TSPAN9: variants seen among roughly 807,000 people sequenced by gnomAD.
The protein encoded by TSPAN9 is tetraspanin 9.
A neutral mutation model predicts 31.0 loss-of-function variants in TSPAN9; 16 were observed. That is an observed-to-expected ratio of 0.52 (90% CI 0.35 to 0.78). The LOEUF is 0.78. TSPAN9 is among the 30% of genes least tolerant of loss of function. The pLI, the probability that TSPAN9 is intolerant of heterozygous loss-of-function variation, is 0.01. For synonymous variants in TSPAN9, 145 were observed against 121.6 expected, an observed-to-expected ratio of 1.19 and a Z score of -1.27; for missense variants, 272 against 312.5, an observed-to-expected ratio of 0.87 and a Z score of 0.98.
intron 2 of TSPAN9, among the ~76,000 whole-genome samples, chr12:3,100,335 C>A (rs555669338): frequency 6.6e-6 from 1 of 152,168 alleles, no homozygotes; most frequent in African/African-American, 2.4e-5. Context: ...GCTCTCCTCT[C>A]CTCTCTGGTA....
At chr12:3,161,928 G>A (rs561540485) in intron 2 of TSPAN9, among the ~76,000 whole-genome samples, 26 of 152,184 alleles carry the variant, frequency 1.7e-4, no homozygotes, top group African/African-American at 5.5e-4. Context: ...CCATCTTCCC[G>A]CTTCAGCCTT....
At chr12:3,216,542 G>A (rs1247187263) in intron 3 of TSPAN9, among the ~76,000 whole-genome samples, 3 of 152,220 alleles carry the variant, frequency 2.0e-5, no homozygotes, top group Non-Finnish European at 4.4e-5. Context: ...AACACATCTC[G>A]TCAGTGGGGA....
At chr12:3,278,337 A>G (rs963878765) in intron 3 of TSPAN9, 84 bp from the exon 4 acceptor site, 6 of 1,537,152 alleles carry the variant, frequency 3.9e-6, no homozygotes, top group Non-Finnish European at 5.3e-6. Context: ...GTCTCAGAGC[A>G]TGGGGTGGGG....
intron 2 of TSPAN9, among the ~76,000 whole-genome samples, chr12:3,089,198 C>T (rs895391962): frequency 2.0e-5 from 3 of 147,908 alleles, no homozygotes; most frequent in Non-Finnish European, 3.0e-5. Context: ...CGCCACTGCA[C>T]TCCAGCCTGG....
intron 3 of TSPAN9, among the ~76,000 whole-genome samples, chr12:3,205,072 C>T (rs1428668561): frequency 6.6e-6 from 1 of 151,962 alleles, no homozygotes; most frequent in Non-Finnish European, 1.5e-5. Context: ...GTCCTGATCC[C>T]GCCCAGCTCT....
intron 3 of TSPAN9, among the ~76,000 whole-genome samples, chr12:3,268,869 CCT>C (rs1862605370): frequency 1.6e-5 from 2 of 121,272 alleles, no homozygotes; most frequent in African/African-American, 3.2e-5. Context: ...TGCAGCCTGC[CCT>C]CTGTGCGTTC....
intron 2 of TSPAN9, among the ~76,000 whole-genome samples, chr12:3,124,555 G>T (rs959717687): frequency 6.6e-6 from 1 of 151,720 alleles, no homozygotes; most frequent in East Asian, 2.0e-4. Context: ...TTACAGGCAT[G>T]CACAACCAAC....
rs368287136 is a variant in TSPAN9, at chr12:3,151,736, C to A, written c.-17-49441C>A. 2.6e-5 allele frequency among the ~76,000 whole-genome samples: 4 copies of A among 152,146 alleles called. No individual in the cohort carries two copies. The East Asian group carries it at 7.7e-4, about 29-fold the overall frequency. ...TGAAATGTCTCTTACTCTCTCCCTTCCTTGCTCCCTCCAGCCTTTTTTCCT... is the reference window on the plus strand; with the variant it reads ...TGAAATGTCTCTTACTCTCTCCCTTACTTGCTCCCTCCAGCCTTTTTTCCT... On this transcript the variant is annotated intron_variant, in intron 2 of 8. Transcript: ENST00000011898.
intron 2 of TSPAN9, among the ~76,000 whole-genome samples, chr12:3,138,502 C>T (rs2098333105): frequency 6.6e-6 from 1 of 151,720 alleles, no homozygotes; most frequent in South Asian, 2.1e-4. Flanking sequence ...CTCGTGCTGT[C>T]ACCCAGGCAG....
At chr12:3,229,075 T>G (rs1003565483) in intron 3 of TSPAN9, among the ~76,000 whole-genome samples, 7 of 152,226 alleles carry the variant, frequency 4.6e-5, no homozygotes, top group African/African-American at 1.7e-4. Flanking sequence ...TAATCACATC[T>G]GCAAAGACCC....
intron 2 of TSPAN9, among the ~76,000 whole-genome samples, chr12:3,169,250 C>A (rs1171553460): frequency 6.6e-6 from 1 of 152,142 alleles, no homozygotes; most frequent in Non-Finnish European, 1.5e-5. Context: ...GGCAGGTTGA[C>A]CTCAGGGCTG....
intron 2 of TSPAN9, among the ~76,000 whole-genome samples, chr12:3,097,681 C>T (rs536688899): frequency 2.3e-3 from 351 of 152,226 alleles, no homozygotes; most frequent in Non-Finnish European, 4.2e-3. Flanking sequence ...GGACTTAGAG[C>T]CCAGAGGAAT....
chr12:3,218,721 T>C (rs953525338), intron 3 of TSPAN9, among the ~76,000 whole-genome samples: 1 of 152,174 alleles, frequency 6.6e-6, no homozygotes, highest in Non-Finnish European at 1.5e-5. Flanking sequence ...GCTGGGTGCC[T>C]CGGGCCGCCT....
rs765040711 is a variant in TSPAN9 at position 3,112,676 on chromosome 12, C to CTTTTTTTTTTTTTTT, written c.-18+28962_-18+28976dup. Among the ~76,000 whole-genome samples the CTTTTTTTTTTTTTTT allele has an allele frequency of 4.3e-4, 38 of 88,516 alleles. 1 individual carries two copies. Among genetic ancestry groups the CTTTTTTTTTTTTTTT allele is most frequent in the East Asian group, 1.1e-3 (3 of 2,850 alleles). 58.1% of individuals were successfully genotyped at this position (88,516 alleles called of 152,430 possible). ...TTATTCTCAATCTCATTTATTTTTG[C>CTTTTTTTTTTTTTTT]TTTTTTTTTTTTTTTTTTTGGAGAC... On this transcript the variant is annotated intron_variant, in intron 2 of 8. Transcript: ENST00000011898.
chr12:3,190,129 T>C (rs549318231), intron 2 of TSPAN9, among the ~76,000 whole-genome samples: 4 of 152,182 alleles, frequency 2.6e-5, no homozygotes, highest in Admixed American at 6.5e-5. Context: ...ACCAGCCCCG[T>C]AGAGGGAGAG....
intron 3 of TSPAN9, among the ~76,000 whole-genome samples, chr12:3,271,088 A>T (rs1862668669): frequency 6.6e-6 from 1 of 152,254 alleles, no homozygotes; most frequent in Non-Finnish European, 1.5e-5. Context: ...CAAATGCTTT[A>T]TGTAATGTTT....
At chr12:3,232,288 C>T (rs2098391162) in intron 3 of TSPAN9, among the ~76,000 whole-genome samples, 1 of 151,128 alleles carries the variant, frequency 6.6e-6, no homozygotes, top group Non-Finnish European at 1.5e-5. Flanking sequence ...TTTTTTCCTA[C>T]AGTGAGATAT....
chr12:3,175,169 G>C (rs11062549), intron 2 of TSPAN9, among the ~76,000 whole-genome samples: 111,195 of 152,062 alleles, frequency 0.73, 41,091 homozygotes, highest in East Asian at 0.86. Flanking sequence ...CTAGGAGCAG[G>C]GGCAGCATCT....
rs192815711 is a variant in TSPAN9 at position 3,160,948 on chromosome 12, C to T, written c.-17-40229C>T. 3.4e-3 allele frequency among the ~76,000 whole-genome samples: 520 copies of T among 152,216 alleles called. 1 individual carries two copies. The highest frequency in any genetic ancestry group is 0.011 in the South Asian group (51 of 4,822). The stretch of plus-strand genomic sequence containing the variant: ...AGTTTTTAATTTTGTGGCTGGGCTG[C>T]GGTGGCTCACGCCTATAATCCCAGC... On this transcript the variant is annotated intron_variant, in intron 2 of 8. Transcript: ENST00000011898.
Sources: allele counts gnomAD v4.1 joint callset (sites outside exome capture counted in the v4.1 genomes callset), GRCh38; gene constraint gnomAD v4.1.1; transcripts MANE v1.5; gene names NCBI Gene and HGNC (gene_info 2026-07-23, HGNC 2026-07-21).